The following RANBP2 variants were observed in gnomAD, a reference collection of about 807,000 sequenced individuals.
RANBP2 encodes the protein E3 SUMO-protein ligase RanBP2.
RANBP2 carries 57 observed loss-of-function variants against 303.6 expected under a neutral mutation model. The observed-to-expected ratio is 0.19, with a 90% CI of 0.15 to 0.23. The LOEUF is 0.23. Ranked by LOEUF, RANBP2 falls within the 10% of genes least tolerant of loss-of-function variation. The pLI is 1.00. For missense variants in RANBP2, 3,138 were observed against 3,780.8 expected, an observed-to-expected ratio of 0.83 and a Z score of 4.46; for synonymous variants, 1,167 against 1,301.5, an observed-to-expected ratio of 0.90 and a Z score of 2.23.
At chr2:109,028,520 C>T in the RANBP2 span, among the ~76,000 whole-genome samples, 1 of 152,168 alleles carries the variant, frequency 6.6e-6, no homozygotes, top group Non-Finnish European at 1.5e-5. Flanking sequence ...GTGGCTGACA[C>T]ACTGTATTTG....
the RANBP2 span, among the ~76,000 whole-genome samples, chr2:109,573,687 T>C: frequency 6.6e-6 from 1 of 152,240 alleles, no homozygotes. Context: ...GAAAGCTTCA[T>C]TTCGCATACC....
At chr2:109,365,208 TTC>T in the RANBP2 span, among the ~76,000 whole-genome samples, 1 of 152,218 alleles carries the variant, frequency 6.6e-6, no homozygotes, top group Non-Finnish European at 1.5e-5. Flanking sequence ...GAGTGGATTT[TTC>T]TCTGATATTC....
At chr2:108,805,552 C>T in the RANBP2 span, among the ~76,000 whole-genome samples, 9 of 130,498 alleles carry the variant, frequency 6.9e-5, no homozygotes, top group South Asian at 8.1e-4. Flanking sequence ...AGTGAAACCC[C>T]GTCTCTACCA....
At chr2:109,565,574 ATG>A in the RANBP2 span, among the ~76,000 whole-genome samples, 2 of 152,198 alleles carry the variant, frequency 1.3e-5, no homozygotes, top group East Asian at 3.9e-4. Flanking sequence ...GGCGGGGGTA[ATG>A]TGTGTGTGGC....
the RANBP2 span, chr2:108,812,745 T>G: frequency 6.2e-7 from 1 of 1,609,412 alleles, no homozygotes; most frequent in Admixed American, 1.7e-5. Context: ...CAGAAGTATG[T>G]TTTTAGATGA....
At chr2:109,684,975 G>A in the RANBP2 span, among the ~76,000 whole-genome samples, 6 of 152,056 alleles carry the variant, frequency 3.9e-5, 1 homozygote, top group South Asian at 1.2e-3. Flanking sequence ...CCAAGTTCCA[G>A]CGATTCTCCA....
At chr2:109,722,226 G>A in the RANBP2 span, among the ~76,000 whole-genome samples, 293 of 152,298 alleles carry the variant, frequency 1.9e-3, no homozygotes, top group Middle Eastern at 6.8e-3. Context: ...CAGAGAACTT[G>A]TTGAAGAGCA....
intron 6 of RANBP2, among the ~76,000 whole-genome samples, 174 bp downstream of exon 6, chr2:108,736,423 G>A (rs910257809): frequency 6.6e-6 from 1 of 152,162 alleles, no homozygotes; most frequent in African/African-American, 2.4e-5. Context: ...TTACGGGGAA[G>A]TTCTAATTGG....
the RANBP2 span, among the ~76,000 whole-genome samples, chr2:109,599,833 T>C: frequency 6.6e-6 from 1 of 152,182 alleles, no homozygotes; most frequent in Non-Finnish European, 1.5e-5. Flanking sequence ...TCCTCCTAAT[T>C]AGAAATTTAT....
chr2:109,051,933 A>G, the RANBP2 span, among the ~76,000 whole-genome samples: 1 of 152,054 alleles, frequency 6.6e-6, no homozygotes, highest in African/African-American at 2.4e-5. Flanking sequence ...TATTTTTAGT[A>G]GAGACCGGGT....
At chr2:109,565,212 A>T in the RANBP2 span, among the ~76,000 whole-genome samples, 5 of 152,152 alleles carry the variant, frequency 3.3e-5, no homozygotes, top group African/African-American at 1.2e-4. Flanking sequence ...TTTATCAATT[A>T]AGAAAAAAAA....
the RANBP2 span, among the ~76,000 whole-genome samples, chr2:108,952,488 C>T: frequency 6.6e-6 from 1 of 152,216 alleles, no homozygotes; most frequent in African/African-American, 2.4e-5. Context: ...TCTTCTACAG[C>T]CTCCAATACA....
At chr2:109,638,197 G>A in the RANBP2 span, among the ~76,000 whole-genome samples, 1 of 152,154 alleles carries the variant, frequency 6.6e-6, no homozygotes, top group Non-Finnish European at 1.5e-5. Flanking sequence ...AAGATAACAT[G>A]GGAGGTCTTT....
chr2:109,432,099 T>C, the RANBP2 span, among the ~76,000 whole-genome samples: 15,202 of 152,208 alleles, frequency 0.1, 815 homozygotes, highest in Middle Eastern at 0.14. Context: ...AGGTTTCCCT[T>C]GCTCAGAGCA....
At chr2:109,516,472 C>G in the RANBP2 span, among the ~76,000 whole-genome samples, 1 of 152,210 alleles carries the variant, frequency 6.6e-6, no homozygotes, top group Admixed American at 6.5e-5. Flanking sequence ...TCCTGATATG[C>G]GGACACTCAG....
At chr2:109,326,841 G>A in the RANBP2 span, among the ~76,000 whole-genome samples, 1 of 152,210 alleles carries the variant, frequency 6.6e-6, no homozygotes, top group African/African-American at 2.4e-5. Context: ...AGTATCCGTA[G>A]GTGCGCACAG....
At chr2:109,110,011 C>T in the RANBP2 span, among the ~76,000 whole-genome samples, 1 of 152,094 alleles carries the variant, frequency 6.6e-6, no homozygotes, top group Admixed American at 6.5e-5. Flanking sequence ...CTGGTAGAGC[C>T]ACACGGAACC....
chr2:109,358,952 A>G, the RANBP2 span, among the ~76,000 whole-genome samples: 1 of 152,122 alleles, frequency 6.6e-6, no homozygotes, highest in African/African-American at 2.4e-5. Flanking sequence ...TATTGAGTTC[A>G]TTTTTGTGAG....
chr2:109,404,460 A>G, the RANBP2 span, among the ~76,000 whole-genome samples: 1 of 152,178 alleles, frequency 6.6e-6, no homozygotes, highest in Non-Finnish European at 1.5e-5. Context: ...GCCACTCTGC[A>G]GGGGCAGGGA....
Sources: gnomAD v4.1 joint callset for allele counts (sites outside exome capture counted in the v4.1 genomes callset) on GRCh38, gnomAD v4.1.1 for gene constraint, MANE v1.5 for transcripts, NCBI Gene and HGNC (gene_info 2026-07-23, HGNC 2026-07-21) for gene names.